The following INSRR variants were observed in gnomAD, a reference collection of about 807,000 sequenced individuals.
INSRR encodes insulin receptor related receptor.
INSRR carries 114 observed loss-of-function variants against 130.0 expected under a neutral mutation model. That is an observed-to-expected ratio of 0.88 (90% CI 0.75 to 1.02). The LOEUF (loss-of-function observed/expected upper bound fraction) is 1.02, where lower values mean the gene tolerates loss of function less well. Among genes scored for constraint, INSRR ranks in the 50% least tolerant of loss-of-function variants. The pLI, the probability that INSRR is intolerant of heterozygous loss-of-function variation, is 0.00. For synonymous variants in INSRR, 674 were observed against 705.2 expected (o/e 0.96, Z 0.70); for missense variants, 1,657 against 1,735.2 (o/e 0.95, Z 0.80).
chr1:156,854,062 G>C lies in INSRR; in HGVS notation c.327C>G (p.Leu109=). The part of the protein sequence containing the change: ...PNLAVIRGTR[L]FLGYALVIFE... Reference sequence around the variant, plus strand: ...AGATGACCAGTGCATAGCCCAGGAAGAGGCGCGTCCCGCGGATGACTGCTA... The same window carrying C: ...AGATGACCAGTGCATAGCCCAGGAACAGGCGCGTCCCGCGGATGACTGCTA... Residue 109 remains leucine, a synonymous_variant, in exon 2 of 22, where the codon CTC becomes CTG. Transcript: ENST00000368195. This position sits in a 1 kb window ranked among gnomAD's most constrained non-coding sequence, Gnocchi z 4.2. The C allele has an allele frequency of 6.2e-7, 1 of 1,614,120 alleles. No individual in the cohort carries two copies. The highest frequency in any genetic ancestry group is 8.5e-7 in the Non-Finnish European group (1 of 1,180,046).
intron 1 of INSRR, among the ~76,000 whole-genome samples, chr1:156,856,823 C>T (rs924480289): frequency 2.6e-5 from 4 of 152,156 alleles, no homozygotes; most frequent in African/African-American, 7.2e-5. Context: ...GGGTGTGTCT[C>T]GCTTCTTCAC....
At chr1:156,847,574 G>C (rs975627198) in intron 7 of INSRR, among the ~76,000 whole-genome samples, 1 of 152,314 alleles carries the variant, frequency 6.6e-6, no homozygotes, top group South Asian at 2.1e-4. Context: ...AAACTTGAGG[G>C]AGGTCAAATT....
At position 156,842,159 on chromosome 1, in the gene INSRR, G is replaced by A. The variant is rs1307887055; in HGVS notation, c.3350C>T (p.Ala1117Val). Residue 1117 changes from alanine to valine, a missense_variant, in exon 19 of 22, where the codon GCA becomes GTA. Physicochemically the swap from Ala to Val is moderately conservative, Grantham distance 64. Coordinates refer to ENST00000368195, the MANE Select transcript of INSRR (RefSeq NM_014215.3). ...AANKFVHRDLAARNCMVSQDF... is the reference protein window; with the variant it reads ...AANKFVHRDLVARNCMVSQDF... ...CTGGGACACCATGCAGTTGCGGGCT[G>A]CTAGATCTCGGTGCACAAACTTGTT... 1 of 1,614,088 alleles carries A rather than the reference G, an allele frequency of 6.2e-7. No homozygotes were observed. Among genetic ancestry groups the A allele is most frequent in the Non-Finnish European group, 8.5e-7 (1 of 1,179,994 alleles).
In INSRR at chr1:156,844,478, G is replaced by A; in HGVS notation, c.2721C>T (p.Phe907=). 6.2e-7 allele frequency: 1 copy of A among 1,613,942 alleles called. No individual in the cohort carries two copies. Among genetic ancestry groups the A allele is most frequent in the Non-Finnish European group, 8.5e-7 (1 of 1,179,904 alleles). The change falls in exon 14 of 22, where the codon TTC becomes TTT. Residue 907 remains phenylalanine, a synonymous_variant. Transcript: ENST00000368195. The part of the protein sequence containing the change: ...GNGSWTDSVA[F]YILGPEEEDA... Reference sequence around the variant, plus strand: ...TGTGTATACCTGGGCCAAGGATGTAGAAGGCAACACTGTCTGTCCAAGAGC... The same window carrying A: ...TGTGTATACCTGGGCCAAGGATGTAAAAGGCAACACTGTCTGTCCAAGAGC...
chr1:156,846,440 C>T, intron 8 of INSRR, 79 bp downstream of exon 8: 2 of 1,196,784 alleles, frequency 1.7e-6, no homozygotes, highest in Non-Finnish European at 2.4e-6. Context: ...GCCCCGGCTT[C>T]TCTATTTCTG....
At position 156,841,396 on chromosome 1, in the gene INSRR, C is replaced by A. The variant is rs982617940; in HGVS notation, c.3660G>T (p.Gln1220His). 1 of 1,613,610 alleles carries A rather than the reference C, an allele frequency of 6.2e-7. No homozygotes were observed. The highest frequency in any genetic ancestry group is 1.3e-5 in the African/African-American group (1 of 74,820). ...AAGGGGCAGGGGAGGTGACTCACAG[C>A]TGAAGGGGACAGCCCTCCAGCTCCT... Reference protein sequence around the residue: ...VLEELEGCPLQLQELMSRCWQ... With the variant: ...VLEELEGCPLHLQELMSRCWQ... The change falls in exon 21 of 22, where the codon CAG (glutamine) becomes CAT (histidine). Residue 1220 changes from glutamine (Q) to histidine (H), a missense_variant and splice_region_variant. Transcript: ENST00000368195.
chr1:156,842,530 GC>G, intron 17 of INSRR, 22 bp from the exon 18 acceptor site: 1 of 1,590,592 alleles, frequency 6.3e-7, no homozygotes, highest in South Asian at 1.1e-5. Flanking sequence ...AAAGGGCCTA[GC>G]AGACCCCCTA....
chr1:156,844,963 G>A, intron 12 of INSRR, 113 bp downstream of exon 12: 1 of 1,547,522 alleles, frequency 6.5e-7, no homozygotes, highest in Non-Finnish European at 8.8e-7. Context: ...TGGGAACTGA[G>A]AGGGGCAAGC....
rs774562883 is a variant in INSRR at position 156,846,059 on chromosome 1, C to A, written c.1871G>T (p.Arg624Leu). The A allele has an allele frequency of 4.3e-6, 7 of 1,612,876 alleles. No individual in the cohort carries two copies. The highest frequency in any genetic ancestry group is 1.1e-5 in the South Asian group (1 of 90,920). Residue 624 changes from arginine (R) to leucine (L), a missense_variant, in exon 9 of 22, where the codon CGC (arginine) becomes CTC (leucine). Transcript: ENST00000368195. ...ATTGCGCTGGGTCGGTGGCTTCCAG[C>A]GCACCAGGAGGTGGGAGGAGGAGTT... is the stretch of plus-strand genomic sequence containing the variant. Reference protein sequence around the residue: ...TSNSSSHLLVRWKPPTQRNGN... With the variant: ...TSNSSSHLLVLWKPPTQRNGN...
At chr1:156,842,892 G>T in intron 17 of INSRR, 112 bp downstream of exon 17, 1 of 822,004 alleles carries the variant, frequency 1.2e-6, no homozygotes, top group Non-Finnish European at 2.0e-6. Flanking sequence ...TCCTAACCAT[G>T]GTCCCAATCT....
Position 156,852,034 on chromosome 1 carries a change from G to A in INSRR, c.795C>T (p.Gly265=). The A allele has an allele frequency of 1.2e-6, 2 of 1,613,510 alleles. No homozygotes were observed. The highest frequency in any genetic ancestry group is 2.2e-5 in the South Asian group (2 of 91,082). ...AGCGCCAGGACTCATACTGGTAGGT[G>A]CCTGGCGGGCAGGCCCACAGGCAGG... ...QGACLWACPP[G]TYQYESWRCV... is the part of the protein sequence containing the mutation. Residue 265 remains glycine, a synonymous_variant, in exon 3 of 22, where the codon GGC becomes GGT. Coordinates refer to ENST00000368195, the MANE Select transcript of INSRR (RefSeq NM_014215.3).
In INSRR at chr1:156,843,232, C is replaced by A; in HGVS notation, c.2898G>T (p.Met966Ile). 6.2e-7 allele frequency: 1 copy of A among 1,613,916 alleles called. No individual in the cohort carries two copies. Among genetic ancestry groups the A allele is most frequent in the Non-Finnish European group, 8.5e-7 (1 of 1,179,820 alleles). ...GCACCTCCCATTCATCAGGGACATA[C>A]ACTGCAAGGAGGTGGAGGGTCACAA... Reference protein sequence around the residue: ...VNPEYFSASDMYVPDEWEVPR... With the variant: ...VNPEYFSASDIYVPDEWEVPR... The change falls in exon 17 of 22, where the codon ATG (methionine) becomes ATT (isoleucine). Residue 966 changes from methionine (M) to isoleucine (I), a missense_variant and splice_region_variant. Physicochemically the swap from Met to Ile is conservative, Grantham distance 10. Coordinates refer to ENST00000368195, the MANE Select transcript of INSRR (RefSeq NM_014215.3).
chr1:156,842,473 T>G lies in INSRR; in HGVS notation c.3162A>C (p.Pro1054=). 1.2e-6 allele frequency: 2 copies of G among 1,614,126 alleles called. No individual in the cohort carries two copies. The highest frequency in any genetic ancestry group is 2.2e-5 in the South Asian group (2 of 91,074). Residue 1054 remains proline, a synonymous_variant, in exon 18 of 22, where the codon CCA becomes CCC. Coordinates refer to ENST00000368195, the MANE Select transcript of INSRR (RefSeq NM_014215.3). Reference sequence around the variant, plus strand: ...TCATTAACTCCATGATGACCAGAGTTGGCTGGCCCTGAGATACCACACCCA... The same window carrying G: ...TCATTAACTCCATGATGACCAGAGTGGGCTGGCCCTGAGATACCACACCCA... The part of the protein sequence containing the change: ...RLLGVVSQGQ[P]TLVIMELMTR...
At chr1:156,844,375 GA>G (rs1654909952) in intron 14 of INSRR, 86 bp downstream of exon 14, 2 of 1,556,292 alleles carry the variant, frequency 1.3e-6, no homozygotes, top group Non-Finnish European at 1.8e-6. Flanking sequence ...TGAGGATGGG[GA>G]GGGATGCGGG....
chr1:156,847,831 G>A (rs1199664196), intron 7 of INSRR, among the ~76,000 whole-genome samples: 1 of 152,134 alleles, frequency 6.6e-6, no homozygotes, highest in Admixed American at 6.5e-5. Flanking sequence ...AGTGATGTTA[G>A]GGAAGCTTGT....
At chr1:156,844,883 T>C in intron 12 of INSRR, 40 bp from the exon 13 acceptor site, 2 of 1,611,510 alleles carry the variant, frequency 1.2e-6, no homozygotes, top group South Asian at 2.2e-5. Flanking sequence ...CAAAAGTGGT[T>C]CATCTCACCT....
chr1:156,850,307 G>T (rs1310339229), intron 5 of INSRR, among the ~76,000 whole-genome samples: 1 of 152,048 alleles, frequency 6.6e-6, no homozygotes, highest in East Asian at 1.9e-4. Flanking sequence ...TGTCTCCCAG[G>T]TTCAAGTGAT....
At chr1:156,853,715 T>C in intron 2 of INSRR, 37 bp downstream of exon 2, 6 of 1,562,508 alleles carry the variant, frequency 3.8e-6, no homozygotes, top group Non-Finnish European at 5.2e-6. Flanking sequence ...CCCTGCTCTC[T>C]CCCTTCCCTA....
rs770460134 is a variant in INSRR at position 156,851,655 on chromosome 1, G to A, written c.1075C>T (p.Arg359Cys). 23 of 1,614,208 alleles carry A rather than the reference G, an allele frequency of 1.4e-5. No homozygotes were observed. In the East Asian group the frequency reaches 4.0e-4, roughly 28 times the overall value. The change falls in exon 4 of 22, where the codon CGC (arginine) becomes TGC (cysteine). Residue 359 changes from arginine to cysteine, a missense_variant. By Grantham distance (180) the Arg-to-Cys change is radical. Coordinates refer to ENST00000368195, the MANE Select transcript of INSRR (RefSeq NM_014215.3). ...HVEGSLILNL[R>C]QGYNLEPQLQ... ...CAAAGTAGGTACTGACAGCCCTGGC[G>A]AAGGTTGAGGATGAGGCTTCCCTCC... is the stretch of plus-strand genomic sequence containing the variant.
Sources: allele counts gnomAD v4.1 joint callset (sites outside exome capture counted in the v4.1 genomes callset), GRCh38; gene constraint gnomAD v4.1.1; non-coding constraint Gnocchi (gnomAD v3.1); transcripts MANE v1.5; gene names NCBI Gene and HGNC (gene_info 2026-07-23, HGNC 2026-07-21).